The following MGAT4C variants were observed in gnomAD, a reference collection of about 807,000 sequenced individuals.
The protein encoded by MGAT4C is alpha-1,3-mannosyl-glycoprotein 4-beta-N-acetylglucosaminyltransferase C.
Under a neutral mutation model 40.1 loss-of-function variants are expected in MGAT4C, and 19 were observed. The ratio of observed to expected loss-of-function variants is 0.47; its 90% CI spans 0.33 to 0.70. The LOEUF (loss-of-function observed/expected upper bound fraction) is 0.70, where lower values mean the gene tolerates loss of function less well. Ranked by LOEUF, MGAT4C falls within the 30% of genes least tolerant of loss-of-function variation. MGAT4C has a pLI of 0.02. For synonymous variants in MGAT4C, 181 were observed against 187.1 expected, an observed-to-expected ratio of 0.97 and a Z score of 0.27; for missense variants, 491 against 563.2, an observed-to-expected ratio of 0.87 and a Z score of 1.30.
At chr12:86,553,503 C>A (rs1462444409) in intron 2 of MGAT4C, among the ~76,000 whole-genome samples, 1 of 152,068 alleles carries the variant, frequency 6.6e-6, no homozygotes, top group Non-Finnish European at 1.5e-5. Context: ...CTTCTTGCCA[C>A]CCTCCTCACT....
intron 1 of MGAT4C, among the ~76,000 whole-genome samples, chr12:86,053,244 AC>A (rs1592790594): frequency 1.4e-5 from 1 of 70,800 alleles, no homozygotes; most frequent in East Asian, 1.6e-3. Flanking sequence ...TGAGTATTTG[AC>A]TTTGTGTGTG....
At chr12:86,609,632 C>A (rs1962174422) in intron 2 of MGAT4C, among the ~76,000 whole-genome samples, 1 of 151,676 alleles carries the variant, frequency 6.6e-6, no homozygotes, top group African/African-American at 2.4e-5. Context: ...TGTTAAAATC[C>A]AAAATAATCT....
intron 1 of MGAT4C, among the ~76,000 whole-genome samples, chr12:86,174,798 A>C (rs138452823): frequency 1.3e-5 from 2 of 152,238 alleles, no homozygotes; most frequent in African/African-American, 4.8e-5. Context: ...ATAAAGAAGA[A>C]AATGCATTAT....
chr12:85,999,813 T>C (rs1296620260), intron 2 of MGAT4C, among the ~76,000 whole-genome samples: 1 of 152,044 alleles, frequency 6.6e-6, no homozygotes, highest in Non-Finnish European at 1.5e-5. Context: ...TTGTGAAATC[T>C]AAAAAAGTTG....
At chr12:86,037,377 A>G (rs768771512) in intron 2 of MGAT4C, among the ~76,000 whole-genome samples, 2 of 149,582 alleles carry the variant, frequency 1.3e-5, no homozygotes, top group African/African-American at 2.4e-5. Context: ...TTTAAATGTG[A>G]TGTTAGGGTG....
chr12:86,538,318 T>A (rs1959108459), intron 2 of MGAT4C, among the ~76,000 whole-genome samples: 1 of 152,066 alleles, frequency 6.6e-6, no homozygotes, highest in Admixed American at 6.6e-5. Flanking sequence ...AGAAACATTA[T>A]TCTCAAGTTG....
intron 2 of MGAT4C, among the ~76,000 whole-genome samples, chr12:86,721,367 C>T (rs1036852803): frequency 4.0e-5 from 6 of 151,664 alleles, no homozygotes; most frequent in East Asian, 1.9e-4. Flanking sequence ...AGAGGCCCTG[C>T]GCACACCAAG....
Position 86,771,488 on chromosome 12 carries a change from G to GA in MGAT4C, c.-261-44248dup, listed in dbSNP as rs548220849. ...TGAAGGAATCTCTGGTAAGGACTCA[G>GA]AAAAAAAAAGATAGCTGTAGAAAAA... is the stretch of plus-strand genomic sequence containing the variant. On this transcript the variant is annotated intron_variant, in intron 1 of 7. Transcript: ENST00000548651. 4.0e-3 allele frequency among the ~76,000 whole-genome samples: 608 copies of GA among 150,380 alleles called. 7 individuals are homozygous for GA. The highest frequency in any genetic ancestry group is 0.012 in the African/African-American group (505 of 41,072).
At chr12:86,698,923 A>G (rs545812215) in intron 2 of MGAT4C, among the ~76,000 whole-genome samples, 5 of 152,140 alleles carry the variant, frequency 3.3e-5, no homozygotes, top group Non-Finnish European at 2.9e-5. Context: ...GATTAGAAAA[A>G]CATGCAAGGA....
At chr12:86,751,426 T>C (rs976987789) in intron 1 of MGAT4C, among the ~76,000 whole-genome samples, 1 of 151,904 alleles carries the variant, frequency 6.6e-6, no homozygotes, top group African/African-American at 2.4e-5. Flanking sequence ...CCTATGAAGA[T>C]GTAAAATTAG....
At chr12:86,663,571 AC>A (rs1360384789) in intron 2 of MGAT4C, among the ~76,000 whole-genome samples, 1 of 152,102 alleles carries the variant, frequency 6.6e-6, no homozygotes, top group Non-Finnish European at 1.5e-5. Flanking sequence ...AAGGTGTCCT[AC>A]TGATTTTTGC....
At chr12:86,608,809 G>C (rs1223353231) in intron 2 of MGAT4C, among the ~76,000 whole-genome samples, 1 of 151,968 alleles carries the variant, frequency 6.6e-6, no homozygotes, top group Non-Finnish European at 1.5e-5. Context: ...GTATGATGTT[G>C]ACAGAAAGAA....
At chr12:86,517,281 C>T (rs1298837725) in intron 2 of MGAT4C, among the ~76,000 whole-genome samples, 2 of 152,074 alleles carry the variant, frequency 1.3e-5, no homozygotes, top group African/African-American at 4.8e-5. Context: ...AGTTTTATGA[C>T]ATGTGAATTA....
chr12:86,230,869 C>CTTT (rs11459552), intron 1 of MGAT4C, among the ~76,000 whole-genome samples: 6 of 145,020 alleles, frequency 4.1e-5, no homozygotes, highest in East Asian at 2.0e-4. Context: ...CAAACACTCC[C>CTTT]TTTTTTTTTT....
chr12:86,637,080 G>T (rs1963240297), intron 2 of MGAT4C, among the ~76,000 whole-genome samples: 1 of 151,738 alleles, frequency 6.6e-6, no homozygotes, highest in Admixed American at 6.6e-5. Flanking sequence ...AATTTTTCTG[G>T]AGTCATAGCC....
chr12:86,029,853 C>T (rs186042258), intron 2 of MGAT4C, among the ~76,000 whole-genome samples: 17 of 151,818 alleles, frequency 1.1e-4, no homozygotes, highest in African/African-American at 3.9e-4. Flanking sequence ...ATAATTATTA[C>T]AGAGGAGAAA....
At chr12:86,434,231 A>T (rs1450085105) in intron 3 of MGAT4C, among the ~76,000 whole-genome samples, 1 of 151,984 alleles carries the variant, frequency 6.6e-6, no homozygotes, top group Non-Finnish European at 1.5e-5. Context: ...CTTTGGTTGT[A>T]AAGTCTTTTT....
intron 1 of MGAT4C, among the ~76,000 whole-genome samples, chr12:86,815,562 G>A (rs1318594022): frequency 6.6e-6 from 1 of 151,276 alleles, no homozygotes; most frequent in African/African-American, 2.4e-5. Flanking sequence ...TGCTTATAGT[G>A]ACACAATTCA....
chr12:86,698,505 A>G (rs2084287946), intron 2 of MGAT4C, among the ~76,000 whole-genome samples: 1 of 152,118 alleles, frequency 6.6e-6, no homozygotes, highest in African/African-American at 2.4e-5. Flanking sequence ...GAGGGCAGGC[A>G]ATGTAATGCA....
Sources: gnomAD v4.1 joint callset for allele counts (sites outside exome capture counted in the v4.1 genomes callset) on GRCh38, gnomAD v4.1.1 for gene constraint, MANE v1.5 for transcripts, NCBI Gene and HGNC (gene_info 2026-07-23, HGNC 2026-07-21) for gene names.